Variants in SGCD observed in about 807,000 individuals in gnomAD.
SGCD encodes sarcoglycan delta, also known as delta-sarcoglycan.
Under a neutral mutation model 36.6 loss-of-function variants are expected in SGCD, and 18 were observed. The ratio of observed to expected loss-of-function variants is 0.49; its 90% CI spans 0.34 to 0.73. The LOEUF (loss-of-function observed/expected upper bound fraction) is 0.73, where lower values mean the gene tolerates loss of function less well. Ranked by LOEUF, SGCD falls within the 30% of genes least tolerant of loss-of-function variation. The pLI, the probability that SGCD is intolerant of heterozygous loss-of-function variation, is 0.01. For missense variants in SGCD, 387 were observed against 346.7 expected (o/e 1.12, Z -0.92); for synonymous variants, 133 against 130.6 (o/e 1.02, Z -0.12).
At chr5:156,568,036 A>G (rs920318669) in intron 4 of SGCD, among the ~76,000 whole-genome samples, 17 of 152,288 alleles carry the variant, frequency 1.1e-4, no homozygotes, top group Admixed American at 1.0e-3. Flanking sequence ...AACCTGAATG[A>G]TAGAAGAATT....
At chr5:156,582,121 A>G (rs1760287677) in intron 4 of SGCD, among the ~76,000 whole-genome samples, 1 of 152,110 alleles carries the variant, frequency 6.6e-6, no homozygotes, top group Non-Finnish European at 1.5e-5. Flanking sequence ...TATTATGGGA[A>G]AGTTTTTTAT....
At chr5:156,546,904 T>A (rs1397343104) in intron 4 of SGCD, among the ~76,000 whole-genome samples, 1 of 152,174 alleles carries the variant, frequency 6.6e-6, no homozygotes, top group Non-Finnish European at 1.5e-5. Flanking sequence ...CTTGATGTAA[T>A]TTCAGGAAAG....
chr5:155,928,483 C>T (rs1274249400), intron 1 of SGCD, among the ~76,000 whole-genome samples: 1 of 151,938 alleles, frequency 6.6e-6, no homozygotes, highest in Non-Finnish European at 1.5e-5. Context: ...GCCTGGCTAA[C>T]ATGGTGAAAT....
At chr5:155,777,928 T>C in the SGCD span, among the ~76,000 whole-genome samples, 1 of 152,196 alleles carries the variant, frequency 6.6e-6, no homozygotes, top group Non-Finnish European at 1.5e-5. Flanking sequence ...TTCTTGAGTT[T>C]TCTAACATTG....
the SGCD span, among the ~76,000 whole-genome samples, chr5:155,744,999 C>T: frequency 6.6e-6 from 1 of 152,152 alleles, no homozygotes; most frequent in Admixed American, 6.6e-5. Flanking sequence ...AAAGACAGAT[C>T]CACCTGCAAA....
chr5:156,126,543 T>G (rs528258195), intron 3 of SGCD, among the ~76,000 whole-genome samples: 4 of 152,158 alleles, frequency 2.6e-5, no homozygotes, highest in Non-Finnish European at 5.9e-5. Flanking sequence ...TCAGCTGTAG[T>G]ATATATAAAG....
At chr5:156,070,968 A>G (rs1436588172) in intron 1 of SGCD, among the ~76,000 whole-genome samples, 6 of 152,154 alleles carry the variant, frequency 3.9e-5, no homozygotes, top group Non-Finnish European at 7.3e-5. Flanking sequence ...CTGTGGGATC[A>G]GTGTTGATAT....
At chr5:156,410,373 TGGGGGCTACTGGGGAG>T in intron 3 of SGCD, among the ~76,000 whole-genome samples, 1 of 147,956 alleles carries the variant, frequency 6.8e-6, no homozygotes. Flanking sequence ...CAATAGACAC[TGGGGGCTACTGGGGAG>T]GGGGGCAAGG....
intron 3 of SGCD, among the ~76,000 whole-genome samples, chr5:156,179,763 A>G (rs1344929930): frequency 1.3e-5 from 2 of 151,822 alleles, no homozygotes; most frequent in South Asian, 2.1e-4. Flanking sequence ...AGTTGGAATT[A>G]CAAGTACCTG....
At chr5:155,751,121 A>C in the SGCD span, among the ~76,000 whole-genome samples, 2 of 152,278 alleles carry the variant, frequency 1.3e-5, no homozygotes, top group East Asian at 3.9e-4. Context: ...CAACTACCAA[A>C]TATTTTGGTT....
chr5:156,604,534 GTGAAGTCT>G (rs1344920997), intron 6 of SGCD, among the ~76,000 whole-genome samples: 2 of 151,562 alleles, frequency 1.3e-5, no homozygotes, highest in African/African-American at 4.8e-5. Flanking sequence ...TGGGGCTAAC[GTGAAGTCT>G]TATAGTTACA....
At chr5:156,627,422 C>T (rs1355326491) in intron 6 of SGCD, among the ~76,000 whole-genome samples, 2 of 152,142 alleles carry the variant, frequency 1.3e-5, no homozygotes, top group African/African-American at 4.8e-5. Flanking sequence ...TACTTACTAG[C>T]TTACTCTTCT....
At chr5:155,887,703 C>A (rs1204731033) in intron 1 of SGCD, among the ~76,000 whole-genome samples, 2 of 152,190 alleles carry the variant, frequency 1.3e-5, no homozygotes, top group Non-Finnish European at 2.9e-5. Context: ...TCAGTAGATG[C>A]TAGCTATTAT....
intron 3 of SGCD, among the ~76,000 whole-genome samples, chr5:156,266,190 G>C (rs1038365297): frequency 6.6e-6 from 1 of 152,164 alleles, no homozygotes; most frequent in Non-Finnish European, 1.5e-5. Context: ...TACCTATTTT[G>C]TAGTGCTGGA....
chr5:156,170,502 G>A (rs577399435), intron 3 of SGCD, among the ~76,000 whole-genome samples: 16 of 152,172 alleles, frequency 1.1e-4, no homozygotes, highest in Non-Finnish European at 1.9e-4. Context: ...TGAAAGAATG[G>A]GATGACAAAA....
chr5:156,613,805 C>T (rs1262889390), intron 6 of SGCD, among the ~76,000 whole-genome samples: 1 of 152,196 alleles, frequency 6.6e-6, no homozygotes, highest in Non-Finnish European at 1.5e-5. Flanking sequence ...AGTTCAGGCT[C>T]AGCTTTTAGT....
the SGCD span, among the ~76,000 whole-genome samples, chr5:155,811,125 G>A: frequency 6.6e-6 from 1 of 151,952 alleles, no homozygotes; most frequent in Admixed American, 6.6e-5. Flanking sequence ...CCTAGTGTCT[G>A]CTTTTAACTG....
intron 1 of SGCD, among the ~76,000 whole-genome samples, chr5:156,098,353 C>A (rs1342186477): frequency 6.6e-6 from 1 of 152,088 alleles, no homozygotes; most frequent in Non-Finnish European, 1.5e-5. Context: ...TATATGCACC[C>A]AAATTCTAGA....
intron 3 of SGCD, among the ~76,000 whole-genome samples, chr5:156,410,959 T>C (rs980430296): frequency 2.0e-5 from 3 of 152,244 alleles, no homozygotes; most frequent in Non-Finnish European, 4.4e-5. Flanking sequence ...GTTACTGGTC[T>C]AGACCTTATT....
Sources: gnomAD v4.1 joint callset for allele counts (sites outside exome capture counted in the v4.1 genomes callset) on GRCh38, gnomAD v4.1.1 for gene constraint, MANE v1.5 for transcripts, NCBI Gene and HGNC (gene_info 2026-07-23, HGNC 2026-07-21) for gene names.